Variants in PRAMEF19 observed in about 807,000 individuals in gnomAD.
PRAMEF19 encodes PRAME family member-like.
A neutral mutation model predicts 33.1 loss-of-function variants in PRAMEF19; 21 were observed. That is an observed-to-expected ratio of 0.63 (90% CI 0.45 to 0.91). The LOEUF is 0.91. Among genes scored for constraint, PRAMEF19 ranks in the 40% least tolerant of loss-of-function variants. PRAMEF19 has a pLI of 0.00. For synonymous variants in PRAMEF19, 179 were observed against 229.3 expected, an observed-to-expected ratio of 0.78 and a Z score of 1.98; for missense variants, 481 against 585.2, an observed-to-expected ratio of 0.82 and a Z score of 1.84.
At chr1:13,368,647 T>C (rs1349585899), downstream of PRAMEF19, among the ~76,000 whole-genome samples, 7,002 of 152,206 alleles carry the variant, frequency 0.046, 345 homozygotes, top group East Asian at 0.27. Flanking sequence ...AGATAACTCC[T>C]TCACTCTAGA....
chr1:13,369,683 A>T, intron 2 of PRAMEF19, 43 bp from the exon 3 acceptor site: 1 of 1,611,816 alleles, frequency 6.2e-7, no homozygotes, highest in Non-Finnish European at 8.5e-7. Flanking sequence ...GGCACCAGTT[A>T]GAGGACGGTG....
exon 2 of PRAMEF19, chr1:13,370,710 G>C: frequency 6.2e-7 from 1 of 1,613,936 alleles, no homozygotes; most frequent in Non-Finnish European, 8.5e-7. Flanking sequence ...AGCATCTGGA[G>C]GTACTCCAGC....
chr1:13,369,612 C>A, exon 3 of PRAMEF19: 1 of 1,613,920 alleles, frequency 6.2e-7, no homozygotes, highest in East Asian at 2.2e-5. Flanking sequence ...TAAGTTAATG[C>A]CAATGTCTCC....
rs1640647362 is a variant in PRAMEF19 at position 13,369,633 on chromosome 1, TG to T, written c.873del (p.Lys292ArgfsTer9). On this transcript the variant is annotated frameshift_variant, in exon 3 of 3. Coordinates refer to ENST00000376101, the Ensembl canonical transcript of PRAMEF19. LOFTEE classifies it high-confidence loss of function. ...AATGCCAATGTCTCCAACGGGCTCT[TG>T]AGGCACCTGGGGAGAGCAAGAAGTT... 1 of 1,613,762 alleles carries T rather than the reference TG, an allele frequency of 6.2e-7. No homozygotes were observed. The highest frequency in any genetic ancestry group is 8.5e-7 in the Non-Finnish European group (1 of 1,179,872).
chr1:13,370,733 G>A, exon 2 of PRAMEF19: 1 of 1,613,948 alleles, frequency 6.2e-7, no homozygotes, highest in Middle Eastern at 1.7e-4. Context: ...GAGGAACACA[G>A]AGCTGAATTC....
chr1:13,369,880 GC>G (rs1640650377), intron 2 of PRAMEF19, among the ~76,000 whole-genome samples: 2 of 151,276 alleles, frequency 1.3e-5, no homozygotes, highest in South Asian at 4.2e-4. Flanking sequence ...AATCTCTAAA[GC>G]CTCTTTTCTT....
At chr1:13,370,531 G>A (rs878864890) in intron 2 of PRAMEF19, 118 bp downstream of exon 2, 8 of 1,332,660 alleles carry the variant, frequency 6.0e-6, no homozygotes, top group East Asian at 2.3e-5. Flanking sequence ...ATGCATTCTA[G>A]TATCCCCTTC....
exon 2 of PRAMEF19, chr1:13,370,725 G>A: frequency 2.5e-6 from 4 of 1,613,958 alleles, no homozygotes; most frequent in Non-Finnish European, 2.5e-6. Flanking sequence ...TCCAGCCTGA[G>A]GAACACAGAG....
chr1:13,369,136 G>A, exon 3 of PRAMEF19: 4 of 1,611,938 alleles, frequency 2.5e-6, no homozygotes, highest in Non-Finnish European at 3.4e-6. Flanking sequence ...CACAGCAAGG[G>A]CAGGAGACGG....
At chr1:13,368,576 G>A (rs1640627835), downstream of PRAMEF19, among the ~76,000 whole-genome samples, 1 of 152,100 alleles carries the variant, frequency 6.6e-6, no homozygotes, top group African/African-American at 2.4e-5. Flanking sequence ...ATGAAGGACA[G>A]CAGAGAGTTT....
At chr1:13,370,826 TGGCTCAGGTAAC>T in exon 2 of PRAMEF19, 1 of 1,614,002 alleles carries the variant, frequency 6.2e-7, no homozygotes, top group Non-Finnish European at 8.5e-7. Context: ...ATTCTTCATC[TGGCTCAGGTAAC>T]GGCTAACCTC....
At chr1:13,371,686 G>A (rs1274389350) in exon 1 of PRAMEF19, 86 of 1,610,094 alleles carry the variant, frequency 5.3e-5, no homozygotes, top group Non-Finnish European at 6.1e-5. Context: ...CAGATCAGGC[G>A]TCTTCATCAG....
exon 2 of PRAMEF19, chr1:13,370,662 C>T: frequency 1.2e-6 from 2 of 1,613,940 alleles, no homozygotes; most frequent in Non-Finnish European, 8.5e-7. Context: ...ATCAGCTGGT[C>T]CAGGTAGCCT....
intron 2 of PRAMEF19, 103 bp downstream of exon 2, chr1:13,370,546 G>T: frequency 2.7e-6 from 4 of 1,457,818 alleles, no homozygotes; most frequent in Non-Finnish European, 3.8e-6. Context: ...CCCTTCCCTG[G>T]ACATCTCCAG....
chr1:13,370,572 A>G, intron 2 of PRAMEF19, 77 bp downstream of exon 2: 10 of 1,575,190 alleles, frequency 6.3e-6, no homozygotes, highest in Non-Finnish European at 8.7e-6. Flanking sequence ...GGCACACAGT[A>G]GATGCTGACT....
chr1:13,368,749 G>GT (rs1165587382), downstream of PRAMEF19, among the ~76,000 whole-genome samples: 6 of 152,094 alleles, frequency 3.9e-5, no homozygotes, highest in East Asian at 3.9e-4. Context: ...CCCCTGCTGG[G>GT]TTTTTTTGTG....
exon 3 of PRAMEF19, chr1:13,369,254 C>T (rs1325825261): frequency 1.2e-6 from 2 of 1,611,918 alleles, no homozygotes; most frequent in East Asian, 2.2e-5. Flanking sequence ...GTTGTCAAGA[C>T]TCTCCCGAGG....
chr1:13,371,554 T>G lies in PRAMEF19; in HGVS notation c.287+60A>C, dbSNP rs1368700851. ...CCTGGGCCACCCCAGGTTCCCAATTTGTCTGACCCAGCTGCTTAGTCCCTG... is the reference window on the plus strand; with the variant it reads ...CCTGGGCCACCCCAGGTTCCCAATTGGTCTGACCCAGCTGCTTAGTCCCTG... On this transcript the variant is annotated intron_variant, in intron 1 of 2. Transcript: ENST00000376101. 3.1e-6 allele frequency: 5 copies of G among 1,609,936 alleles called. No individual in the cohort carries two copies. In the African/African-American group the frequency reaches 6.8e-5, roughly 22 times the overall value.
At chr1:13,368,638 G>C (rs1303973385), downstream of PRAMEF19, among the ~76,000 whole-genome samples, 1 of 152,146 alleles carries the variant, frequency 6.6e-6, no homozygotes, top group African/African-American at 2.4e-5. Flanking sequence ...TCCTTGCTGA[G>C]ATAACTCCTT....
Sources: gnomAD v4.1 joint callset for allele counts (sites outside exome capture counted in the v4.1 genomes callset) on GRCh38, gnomAD v4.1.1 for gene constraint, MANE v1.5 for transcripts, NCBI Gene and HGNC (gene_info 2026-07-23, HGNC 2026-07-21) for gene names.